TIAM1: variants seen among roughly 807,000 people sequenced by gnomAD.
TIAM1 encodes the protein rho guanine nucleotide exchange factor TIAM1.
In TIAM1, 65 loss-of-function variants were observed where a neutral mutation model predicts 163.5. The ratio of observed to expected loss-of-function variants is 0.40; its 90% confidence interval spans 0.33 to 0.49. The LOEUF (loss-of-function observed/expected upper bound fraction) is 0.49. Among genes scored for constraint, TIAM1 ranks in the 20% least tolerant of loss-of-function variants. The pLI, the probability that TIAM1 is intolerant of heterozygous loss-of-function variation, is 0.77. For missense variants in TIAM1, 1,789 were observed against 2,044.7 expected, an observed-to-expected ratio of 0.87 and a Z score of 2.41; for synonymous variants, 833 against 810.1, an observed-to-expected ratio of 1.03 and a Z score of -0.48.
At chr21:31,399,005 A>T (rs1381507427) in intron 2 of TIAM1, among the ~76,000 whole-genome samples, 1 of 152,178 alleles carries the variant, frequency 6.6e-6, no homozygotes, top group Non-Finnish European at 1.5e-5. Flanking sequence ...GAGAAACCCC[A>T]TCTCCACTAA....
At chr21:31,503,998 C>T (rs1270214472) in intron 1 of TIAM1, among the ~76,000 whole-genome samples, 1 of 152,104 alleles carries the variant, frequency 6.6e-6, no homozygotes, top group African/African-American at 2.4e-5. Context: ...ATCTCTAATG[C>T]TTATATGGTA....
intron 2 of TIAM1, among the ~76,000 whole-genome samples, chr21:31,460,653 A>C (rs1007216817): frequency 6.6e-6 from 1 of 152,184 alleles, no homozygotes; most frequent in Admixed American, 6.5e-5. Flanking sequence ...AGGAAGTGCT[A>C]CTGTTGAAGA....
At chr21:31,473,434 A>G (rs984115668) in intron 1 of TIAM1, among the ~76,000 whole-genome samples, 1 of 24,110 alleles carries the variant, frequency 4.1e-5, no homozygotes, top group Admixed American at 3.1e-4. Context: ...CATCTCAAAA[A>G]AAAAAAAAAA....
intron 2 of TIAM1, among the ~76,000 whole-genome samples, chr21:31,302,090 A>T (rs1453520671): frequency 1.3e-5 from 2 of 152,062 alleles, no homozygotes; most frequent in African/African-American, 4.8e-5. Context: ...ATTTTAATTT[A>T]AATTACAGGG....
At chr21:31,147,270 T>C (rs1189133459) in intron 19 of TIAM1, among the ~76,000 whole-genome samples, 1 of 152,200 alleles carries the variant, frequency 6.6e-6, no homozygotes, top group African/African-American at 2.4e-5. Context: ...TCTGTGTCTT[T>C]TAATAACCTA....
intron 2 of TIAM1, among the ~76,000 whole-genome samples, chr21:31,419,842 G>C (rs2043502932): frequency 6.6e-6 from 1 of 152,186 alleles, no homozygotes; most frequent in Non-Finnish European, 1.5e-5. Flanking sequence ...CCTGAGGTCA[G>C]GAGTTCAAGA....
chr21:31,452,378 G>T, intron 2 of TIAM1: 1 of 237,656 alleles, frequency 4.2e-6, no homozygotes, highest in Non-Finnish European at 8.0e-6. Flanking sequence ...GGCAGAGATT[G>T]CAGTGAGCCA....
chr21:31,453,997 C>T (rs1330789265), intron 2 of TIAM1, among the ~76,000 whole-genome samples: 1 of 152,176 alleles, frequency 6.6e-6, no homozygotes, highest in Non-Finnish European at 1.5e-5. Flanking sequence ...ACATTTCCTT[C>T]CATTGTTTGC....
intron 1 of TIAM1, among the ~76,000 whole-genome samples, chr21:31,536,866 G>A (rs2048152671): frequency 6.6e-6 from 1 of 152,248 alleles, no homozygotes; most frequent in South Asian, 2.1e-4. Context: ...AGGAGGCCAT[G>A]TTCAGGAGAG....
chr21:31,391,373 C>T (rs543475905), intron 2 of TIAM1, among the ~76,000 whole-genome samples: 143 of 152,228 alleles, frequency 9.4e-4, no homozygotes, highest in Middle Eastern at 6.8e-3. Flanking sequence ...CCCTGTAATC[C>T]TAGCACTTTG....
At chr21:31,174,579 C>G (rs1254218104) in intron 15 of TIAM1, among the ~76,000 whole-genome samples, 3 of 152,250 alleles carry the variant, frequency 2.0e-5, no homozygotes, top group African/African-American at 7.2e-5. Flanking sequence ...CAGGAATAAC[C>G]ATTTTTTGAA....
At chr21:31,182,354 T>A in intron 15 of TIAM1, 67 bp downstream of exon 15, 2 of 1,362,984 alleles carry the variant, frequency 1.5e-6, no homozygotes, top group Admixed American at 3.0e-5. Context: ...ACAAGCCGCA[T>A]GATAAACTCC....
intron 10 of TIAM1, among the ~76,000 whole-genome samples, chr21:31,210,721 GAAA>G (rs1569033809): frequency 4.9e-5 from 5 of 102,074 alleles, no homozygotes; most frequent in African/African-American, 2.6e-4. Context: ...GAAAGAGAAA[GAAA>G]GAAAGAGAAA....
At chr21:31,247,764 C>A (rs541500695) in intron 5 of TIAM1, among the ~76,000 whole-genome samples, 2 of 152,232 alleles carry the variant, frequency 1.3e-5, no homozygotes, top group East Asian at 3.9e-4. Flanking sequence ...GAGTAGTCTG[C>A]CCCAACTCTA....
chr21:31,155,536 G>A (rs577525150), intron 16 of TIAM1, among the ~76,000 whole-genome samples: 40 of 151,338 alleles, frequency 2.6e-4, no homozygotes, highest in African/African-American at 9.2e-4. Flanking sequence ...ACGGAGTCTC[G>A]CTCTGTCACC....
chr21:31,511,457 T>C (rs1288576921), intron 1 of TIAM1, among the ~76,000 whole-genome samples: 2 of 152,178 alleles, frequency 1.3e-5, no homozygotes, highest in Non-Finnish European at 2.9e-5. Flanking sequence ...ACATCTGACC[T>C]TGGCCAAGAC....
intron 2 of TIAM1, among the ~76,000 whole-genome samples, chr21:31,418,250 G>A (rs964528979): frequency 6.7e-6 from 1 of 148,858 alleles, no homozygotes; most frequent in African/African-American, 2.5e-5. Flanking sequence ...GCTGAGACAG[G>A]AGAATCACTT....
At chr21:31,135,415 T>A (rs1464102665) in intron 23 of TIAM1, among the ~76,000 whole-genome samples, 1 of 152,202 alleles carries the variant, frequency 6.6e-6, no homozygotes, top group Non-Finnish European at 1.5e-5. Context: ...GCAATGCGAT[T>A]GGGATGCACC....
chr21:31,538,280 C>T (rs759535609), intron 1 of TIAM1, among the ~76,000 whole-genome samples: 39 of 152,196 alleles, frequency 2.6e-4, no homozygotes, highest in Non-Finnish European at 4.4e-4. Context: ...CGGTTACTCA[C>T]GCCTATAATC....
Sources: allele counts gnomAD v4.1 joint callset (sites outside exome capture counted in the v4.1 genomes callset), GRCh38; gene constraint gnomAD v4.1.1; transcripts MANE v1.5; gene names NCBI Gene and HGNC (gene_info 2026-07-23, HGNC 2026-07-21).